CELF1: variants seen among roughly 807,000 people sequenced by gnomAD.
The protein encoded by CELF1 is 50 kDa nuclear polyadenylated RNA-binding protein.
A neutral mutation model predicts 61.8 loss-of-function variants in CELF1; 10 were observed. The observed-to-expected ratio is 0.16, with a 90% CI of 0.10 to 0.27. The LOEUF (loss-of-function observed/expected upper bound fraction) is 0.27. Among genes scored for constraint, CELF1 ranks in the 10% least tolerant of loss-of-function variants. The probability of loss-of-function intolerance (pLI) is 1.00; values close to 1 mark genes in which losing one functional copy is unlikely to be tolerated. For synonymous variants in CELF1, 236 were observed against 225.1 expected, an observed-to-expected ratio of 1.05 and a Z score of -0.43; for missense variants, 380 against 639.1, an observed-to-expected ratio of 0.59 and a Z score of 4.37.
At chr11:47,547,958 T>A (rs772056892) in intron 1 of CELF1, among the ~76,000 whole-genome samples, 2 of 152,128 alleles carry the variant, frequency 1.3e-5, no homozygotes, top group African/African-American at 4.8e-5. Flanking sequence ...ACAGTGATGA[T>A]TGCACAACAC....
At chr11:47,521,561 T>C (rs930147033) in intron 1 of CELF1, among the ~76,000 whole-genome samples, 2 of 152,262 alleles carry the variant, frequency 1.3e-5, no homozygotes, top group Non-Finnish European at 2.9e-5. Flanking sequence ...TGTTTCTTCA[T>C]GCACAAAATG....
intron 3 of CELF1, among the ~76,000 whole-genome samples, chr11:47,496,856 T>C (rs769111408): frequency 4.6e-5 from 7 of 152,254 alleles, no homozygotes; most frequent in East Asian, 1.9e-4. Flanking sequence ...TTCCATGTTA[T>C]AGACAGGTTT....
chr11:47,482,752 T>C lies in CELF1; in HGVS notation c.711A>G (p.Ala237=), dbSNP rs375968841. 2.5e-6 allele frequency: 4 copies of C among 1,613,984 alleles called. No homozygotes were observed. The highest frequency in any genetic ancestry group is 2.7e-5 in the African/African-American group (2 of 74,918). ...QLQQQMQQIS[A]ASVWGNLAGL... ...CAGCAAGGTTTCCCCACACAGATGC[T>C]GCGCTGATTTGCTGCATCTGCTGCT... Residue 237 remains alanine (A), a synonymous_variant, in exon 9 of 15, where the codon GCA becomes GCG. Coordinates refer to ENST00000687097, the MANE Select transcript of CELF1 (RefSeq NM_001376376.1).
intron 2 of CELF1, among the ~76,000 whole-genome samples, chr11:47,559,071 T>C (rs943812399): frequency 6.3e-5 from 9 of 142,462 alleles, no homozygotes; most frequent in African/African-American, 1.8e-4. Context: ...TATATAATAA[T>C]ATAATATATA....
At chr11:47,562,088 T>C (rs2097227422) in intron 2 of CELF1, among the ~76,000 whole-genome samples, 1 of 149,776 alleles carries the variant, frequency 6.7e-6, no homozygotes, top group African/African-American at 2.5e-5. Flanking sequence ...TAGCCAGGAG[T>C]GGTGGTGCAT....
intron 1 of CELF1, among the ~76,000 whole-genome samples, chr11:47,519,721 G>C (rs2095773590): frequency 6.6e-6 from 1 of 151,924 alleles, no homozygotes; most frequent in Non-Finnish European, 1.5e-5. Flanking sequence ...AAATTAGCTG[G>C]GCGTGGTCGT....
At chr11:47,561,444 A>G (rs1414624638) in intron 2 of CELF1, among the ~76,000 whole-genome samples, 1 of 148,792 alleles carries the variant, frequency 6.7e-6, no homozygotes, top group African/African-American at 2.5e-5. Context: ...CTCCGTCTCA[A>G]AAAAAAAAAA....
chr11:47,534,923 C>T (rs1306985354), intron 1 of CELF1, among the ~76,000 whole-genome samples: 1 of 151,830 alleles, frequency 6.6e-6, no homozygotes, highest in Non-Finnish European at 1.5e-5. Context: ...CTTAAGAAAA[C>T]AGATCATTTA....
At chr11:47,518,601 T>C (rs2095683824) in intron 1 of CELF1, among the ~76,000 whole-genome samples, 1 of 152,150 alleles carries the variant, frequency 6.6e-6, no homozygotes, top group South Asian at 2.1e-4. Flanking sequence ...CACTGTAATA[T>C]CTTGTCTCTC....
chr11:47,503,320 A>G (rs2094154053), intron 1 of CELF1, among the ~76,000 whole-genome samples: 1 of 152,100 alleles, frequency 6.6e-6, no homozygotes, highest in African/African-American at 2.4e-5. Flanking sequence ...AGCACAGTTA[A>G]GCAAAAAAGC....
At chr11:47,477,006 C>T (rs745378083) in intron 11 of CELF1, 47 bp from the exon 12 acceptor site, 8 of 1,470,460 alleles carry the variant, frequency 5.4e-6, no homozygotes, top group East Asian at 4.5e-5. Context: ...CTGGCATTCT[C>T]GCCAAATACA....
Position 47,486,786 on chromosome 11 carries a change from T to C in CELF1, c.355A>G (p.Ile119Val), listed in dbSNP as rs747689679. Residue 119 changes from isoleucine to valine, a missense_variant, in exon 6 of 15, where the codon ATA becomes GTA. By Grantham distance (29) the Ile-to-Val change is conservative. Transcript: ENST00000687097. ...TCACTGTCAGCAGGTTTCATCTGTA[T>C]AGGGTGATGCATCTGAAAAGGAAAA... Reference protein sequence around the residue: ...MKVLPGMHHPIQMKPADSEKN... With the variant: ...MKVLPGMHHPVQMKPADSEKN... The C allele has an allele frequency of 7.3e-5, 118 of 1,610,612 alleles. No homozygotes were observed. Among genetic ancestry groups the C allele is most frequent in the Non-Finnish European group, 9.9e-5 (116 of 1,176,908 alleles).
At chr11:47,487,636 T>C (rs1405191042) in intron 4 of CELF1, among the ~76,000 whole-genome samples, 1 of 152,228 alleles carries the variant, frequency 6.6e-6, no homozygotes. Context: ...CCAGGAACTC[T>C]TTCTTTCCCT....
At chr11:47,476,796 T>A (rs750634551) in intron 12 of CELF1, 50 bp downstream of exon 12, 1 of 1,412,686 alleles carries the variant, frequency 7.1e-7, no homozygotes, top group East Asian at 2.3e-5. Flanking sequence ...GGTTAAGATG[T>A]GCTACCTGCA....
chr11:47,494,399 AG>A (rs1266944366), intron 3 of CELF1: 2 of 984,224 alleles, frequency 2.0e-6, no homozygotes, highest in African/African-American at 3.5e-5. Context: ...ATGAAAATTC[AG>A]GACAAGAGGT....
At position 47,558,192 on chromosome 11, in the gene CELF1, C is replaced by T. The variant is rs1156251928; in HGVS notation, c.-11+6159G>A. On this transcript the variant is annotated intron_variant, in intron 2 of 3. Transcript: ENST00000525841. The stretch of plus-strand genomic sequence containing the variant: ...CTCTTAAGGCCTGGTTACATTCAGG[C>T]GGTGCTGCGAGCGTCACACTGCATC... 2.6e-5 allele frequency among the ~76,000 whole-genome samples: 4 copies of T among 151,960 alleles called. No individual in the cohort carries two copies. The South Asian group carries it at 6.2e-4, about 24-fold the overall frequency.
chr11:47,472,227 C>A lies in CELF1; in HGVS notation c.*3G>T, dbSNP rs376118578. 7 of 1,613,732 alleles carry A rather than the reference C, an allele frequency of 4.3e-6. No individual in the cohort carries two copies. Among genetic ancestry groups the A allele is most frequent in the Non-Finnish European group, 5.9e-6 (7 of 1,179,906 alleles). On this transcript the variant is annotated 3_prime_UTR_variant, in exon 15 of 15. Transcript: ENST00000687097. Reference sequence around the variant, plus strand: ...CTCACTCCAGTCTCAGAGGGGAGCACGCTCAGTAGGGCTTGCTGTCATTCT... The same window carrying A: ...CTCACTCCAGTCTCAGAGGGGAGCAAGCTCAGTAGGGCTTGCTGTCATTCT...
Position 47,553,071 on chromosome 11 carries a change from G to A in CELF1, c.-233C>T. 2 of 400,830 alleles carry A rather than the reference G, an allele frequency of 5.0e-6. No individual in the cohort carries two copies. Among genetic ancestry groups the A allele is most frequent in the Non-Finnish European group, 8.8e-6 (2 of 228,112 alleles). 24.8% of individuals were successfully genotyped at this position (400,830 alleles called of 1,614,324 possible). On this transcript the variant is annotated 5_prime_UTR_variant, in exon 1 of 15. Transcript: ENST00000687097. ...CCGCCGCCGCCGCCTCGCTGCTGAG[G>A]CCGAATCCCGGGGGAGCCTCCGCGT... is the stretch of plus-strand genomic sequence containing the variant.
At chr11:47,533,397 A>G (rs909281979) in intron 1 of CELF1, among the ~76,000 whole-genome samples, 4 of 152,050 alleles carry the variant, frequency 2.6e-5, no homozygotes, top group African/African-American at 9.7e-5. Context: ...CAAGGCAGGC[A>G]GATTGCCTGA....
Sources: gnomAD v4.1 joint callset for allele counts (sites outside exome capture counted in the v4.1 genomes callset) on GRCh38, gnomAD v4.1.1 for gene constraint, MANE v1.5 for transcripts, NCBI Gene and HGNC (gene_info 2026-07-23, HGNC 2026-07-21) for gene names.